Variants in SYNE2 observed in about 807,000 individuals in gnomAD.
SYNE2 encodes the protein spectrin repeat containing nuclear envelope protein 2, also known as nesprin-2.
Under a neutral mutation model 856.3 loss-of-function variants are expected in SYNE2, and 431 were observed. The ratio of observed to expected loss-of-function variants is 0.50; its 90% CI spans 0.47 to 0.55. The LOEUF is 0.55. Among genes scored for constraint, SYNE2 ranks in the 20% least tolerant of loss-of-function variants. The pLI is 0.00. For synonymous variants in SYNE2, 2,923 were observed against 2,872.3 expected, an observed-to-expected ratio of 1.02 and a Z score of -0.56; for missense variants, 8,129 against 8,023.2, an observed-to-expected ratio of 1.01 and a Z score of -0.50.
rs1383207256 is a variant in SYNE2 at position 64,053,462 on chromosome 14, A to C, written c.9549A>C (p.Lys3183Asn). 6.2e-7 allele frequency: 1 copy of C among 1,614,030 alleles called. No individual in the cohort carries two copies. The highest frequency in any genetic ancestry group is 1.1e-5 in the South Asian group (1 of 90,958). ...QQPLLINLEI[K>N]HIQNEKDNCE... ...CATTACTTATAAATTTGGAAATTAA[A>C]CATATTCAAAATGAAAAGGACAATT... is the stretch of plus-strand genomic sequence containing the variant. Residue 3183 changes from lysine to asparagine, a missense_variant, in exon 48 of 116, where the codon AAA becomes AAC. Lys to Asn is a moderately conservative substitution (Grantham distance 94). Transcript: ENST00000555002.
chr14:63,905,904 T>C (rs1314401489), intron 1 of SYNE2, among the ~76,000 whole-genome samples: 4 of 152,214 alleles, frequency 2.6e-5, no homozygotes, highest in Non-Finnish European at 5.9e-5. Flanking sequence ...TTCCAGCTTT[T>C]GCCCGTTGAA....
At chr14:64,032,296 C>T (rs956003611) in intron 45 of SYNE2, among the ~76,000 whole-genome samples, 4 of 151,992 alleles carry the variant, frequency 2.6e-5, no homozygotes, top group South Asian at 2.1e-4. Flanking sequence ...TGTGTCAGGC[C>T]GGGCATGGTG....
At chr14:64,062,710 TA>T in intron 49 of SYNE2, 40 bp from the exon 50 acceptor site, 1 of 1,556,586 alleles carries the variant, frequency 6.4e-7, no homozygotes, top group Non-Finnish European at 8.8e-7. Context: ...TTGTGTTAAA[TA>T]AAATTTAATA....
At chr14:64,202,724 AC>A in intron 99 of SYNE2, 76 bp from the exon 100 acceptor site, 1 of 1,587,662 alleles carries the variant, frequency 6.3e-7, no homozygotes, top group Non-Finnish European at 8.6e-7. Context: ...ACATTCTTCC[AC>A]CACTAAGTAT....
At chr14:63,885,432 G>C (rs12435958) in intron 1 of SYNE2, among the ~76,000 whole-genome samples, 94,561 of 151,924 alleles carry the variant, frequency 0.62, 29,575 homozygotes, top group South Asian at 0.72. Context: ...TGGGGCTCAC[G>C]TTGTCCATTT....
chr14:63,944,183 A>T (rs2095975960), intron 6 of SYNE2, among the ~76,000 whole-genome samples: 1 of 150,808 alleles, frequency 6.6e-6, no homozygotes, highest in Non-Finnish European at 1.5e-5. Flanking sequence ...TACATCAATA[A>T]TTAATGTATG....
At chr14:63,900,196 G>A (rs2153319141) in intron 1 of SYNE2, among the ~76,000 whole-genome samples, 1 of 152,324 alleles carries the variant, frequency 6.6e-6, no homozygotes, top group South Asian at 2.1e-4. Context: ...GCTTTGTTGT[G>A]AGATTGCAAG....
At chr14:64,056,355 A>C in intron 49 of SYNE2, 89 bp downstream of exon 49, 1 of 1,265,942 alleles carries the variant, frequency 7.9e-7, no homozygotes, top group Non-Finnish European at 1.1e-6. Context: ...TTAAGAACAT[A>C]AAATATAGGT....
chr14:63,853,618 G>A (rs1419849154), intron 1 of SYNE2, among the ~76,000 whole-genome samples: 1 of 151,646 alleles, frequency 6.6e-6, no homozygotes, highest in Non-Finnish European at 1.5e-5. Flanking sequence ...GCTGGAAGGC[G>A]GACAGCCGCG....
At chr14:63,908,916 T>G (rs1457477709) in intron 1 of SYNE2, among the ~76,000 whole-genome samples, 182 bp from the exon 2 acceptor site, 1 of 152,208 alleles carries the variant, frequency 6.6e-6, no homozygotes, top group Non-Finnish European at 1.5e-5. Context: ...GGGCAAAATC[T>G]TGATTATGAT....
intron 27 of SYNE2, among the ~76,000 whole-genome samples, chr14:63,999,318 C>A (rs989696887): frequency 6.6e-6 from 1 of 151,434 alleles, no homozygotes; most frequent in Non-Finnish European, 1.5e-5. Context: ...TTGTTTATTT[C>A]TTTCTTTTTA....
chr14:63,802,403 G>C (rs985189787), intron 1 of SYNE2, among the ~76,000 whole-genome samples: 1 of 151,874 alleles, frequency 6.6e-6, no homozygotes, highest in Non-Finnish European at 1.5e-5. Context: ...CACTACATCC[G>C]GCCACAGACT....
intron 98 of SYNE2, chr14:64,188,932 G>A (rs2098504717): frequency 2.8e-6 from 2 of 705,070 alleles, no homozygotes; most frequent in South Asian, 1.5e-5. Flanking sequence ...TGGTACCGAG[G>A]AGAGTTGCTT....
At chr14:64,030,898 AGTT>A (rs1255807608) in intron 44 of SYNE2, 115 bp from the exon 45 acceptor site, 4 of 793,380 alleles carry the variant, frequency 5.0e-6, no homozygotes, top group Admixed American at 4.9e-5. Context: ...ATGTGATATG[AGTT>A]GTTAAGTTTT....
intron 66 of SYNE2, among the ~76,000 whole-genome samples, chr14:64,119,225 A>G (rs1053137512): frequency 6.6e-6 from 1 of 152,206 alleles, no homozygotes; most frequent in African/African-American, 2.4e-5. Context: ...TGACATGTGT[A>G]ATTGGGATTG....
intron 7 of SYNE2, among the ~76,000 whole-genome samples, chr14:63,954,019 T>G (rs955844778): frequency 6.6e-6 from 1 of 152,174 alleles, no homozygotes; most frequent in Non-Finnish European, 1.5e-5. Context: ...TGTCAAGTGA[T>G]CCTCCCGCCT....
chr14:64,166,834 G>A lies in SYNE2; in HGVS notation c.16606-399G>A, dbSNP rs112414511. On this transcript the variant is annotated intron_variant, in intron 90 of 115. Transcript: ENST00000555002. ...TGTAATTCCACCTACTTGGGAGGCT[G>A]AAGCAGGAGAATCGTTTGAACCCAG... 110 of 243,254 alleles carry A rather than the reference G, an allele frequency of 4.5e-4. 1 individual carries two copies. The highest frequency in any genetic ancestry group is 2.4e-3 in the African/African-American group (104 of 43,084). The allele number at this position is 243,254 out of a possible 1,614,324, so 15.1% of individuals were successfully genotyped here. A position where few individuals can be genotyped will look rare whatever the true frequency, so the allele number is the denominator to read the frequency against.
intron 32 of SYNE2, among the ~76,000 whole-genome samples, chr14:64,012,475 T>C (rs1435488786): frequency 6.6e-6 from 1 of 152,238 alleles, no homozygotes; most frequent in Non-Finnish European, 1.5e-5. Context: ...AATCACTGCG[T>C]AAAACTGCCT....
At chr14:64,181,662 C>G (rs538325896) in intron 96 of SYNE2, among the ~76,000 whole-genome samples, 1 of 152,150 alleles carries the variant, frequency 6.6e-6, no homozygotes, top group African/African-American at 2.4e-5. Flanking sequence ...GGGGGAAATA[C>G]GCTAGCCACT....
Sources: gnomAD v4.1 joint callset for allele counts (sites outside exome capture counted in the v4.1 genomes callset) on GRCh38, gnomAD v4.1.1 for gene constraint, MANE v1.5 for transcripts, NCBI Gene and HGNC (gene_info 2026-07-23, HGNC 2026-07-21) for gene names.